CYP2C18: variants seen among roughly 807,000 people sequenced by gnomAD.
CYP2C18 encodes the protein cytochrome P450 family 2 subfamily C member 18, also known as cytochrome P450 2C18.
In CYP2C18, 38 loss-of-function variants were observed where a neutral mutation model predicts 41.3. The observed-to-expected ratio is 0.92, with a 90% CI of 0.71 to 1.21. The LOEUF is 1.21. Ranked by LOEUF, CYP2C18 falls within the 50% of genes most tolerant of loss-of-function variation. CYP2C18 has a pLI of 0.00. For missense variants in CYP2C18, 635 were observed against 591.4 expected (o/e 1.07, Z -0.77); for synonymous variants, 236 against 210.0 (o/e 1.12, Z -1.07).
chr10:94,715,871 G>C (rs1322583285), intron 5 of CYP2C18, among the ~76,000 whole-genome samples: 1 of 152,140 alleles, frequency 6.6e-6, no homozygotes, highest in Non-Finnish European at 1.5e-5. Context: ...GCCTGTGATT[G>C]GTCTATTCAG....
Position 94,688,106 on chromosome 10 carries a change from C to T in CYP2C18, c.332-19C>T. The T allele has an allele frequency of 6.2e-7, 1 of 1,613,212 alleles. No homozygotes were observed. The highest frequency in any genetic ancestry group is 8.5e-7 in the Non-Finnish European group (1 of 1,179,622). On this transcript the variant is annotated intron_variant, in intron 2 of 8. Coordinates refer to ENST00000285979, the MANE Select transcript of CYP2C18 (RefSeq NM_000772.3). ...TTGTTTGGATTCTCCCTCGTAGCTTCTGTTTTCTGTTCTGCTAGGAATCCT... is the reference window on the plus strand; with the variant it reads ...TTGTTTGGATTCTCCCTCGTAGCTTTTGTTTTCTGTTCTGCTAGGAATCCT...
At chr10:94,708,176 G>A (rs1232720588) in intron 5 of CYP2C18, among the ~76,000 whole-genome samples, 1 of 152,186 alleles carries the variant, frequency 6.6e-6, no homozygotes, top group African/African-American at 2.4e-5. Flanking sequence ...AATTGCCCAT[G>A]GAATGTTAGC....
intron 8 of CYP2C18, 133 bp downstream of exon 8, chr10:94,733,571 C>T (rs2281890): frequency 0.16 from 240,674 of 1,472,570 alleles, 21,717 homozygotes; most frequent in South Asian, 0.32. Context: ...TCCCTATGCC[C>T]ATGCGATTTC....
intron 4 of CYP2C18, among the ~76,000 whole-genome samples, chr10:94,696,408 C>G (rs181235350): frequency 2.6e-5 from 4 of 152,304 alleles, no homozygotes; most frequent in Non-Finnish European, 4.4e-5. Context: ...AACAGACCTG[C>G]AGCTGAGGGT....
rs762490017 is a variant in CYP2C18, at chr10:94,688,153, G to T, written c.360G>T (p.Trp120Cys). 3 of 1,613,702 alleles carry T rather than the reference G, an allele frequency of 1.9e-6. No individual in the cohort carries two copies. The highest frequency in any genetic ancestry group is 1.7e-4 in the Middle Eastern group (1 of 6,034). ...LGILFSNGKRWKEIRRFCLMT... is the reference protein window; with the variant it reads ...LGILFSNGKRCKEIRRFCLMT... Reference sequence around the variant, plus strand: ...TCCTTTTCAGCAATGGAAAGAGATGGAAGGAGATCCGGCGTTTCTGCCTCA... The same window carrying T: ...TCCTTTTCAGCAATGGAAAGAGATGTAAGGAGATCCGGCGTTTCTGCCTCA... The change falls in exon 3 of 9, where the codon TGG (tryptophan) becomes TGT (cysteine). Residue 120 changes from tryptophan (W) to cysteine (C), a missense_variant. Transcript: ENST00000285979.
rs1188305984 is a variant in CYP2C18 at position 94,719,568 on chromosome 10, A to C, written c.820-828A>C. Among the ~76,000 whole-genome samples, 3 of 151,096 alleles carry C rather than the reference A, an allele frequency of 2.0e-5. No individual in the cohort carries two copies. In the South Asian group the frequency reaches 6.3e-4, roughly 32 times the overall value. ...CAGATATGTGCAATTCACCTGGTTAATTTTTTGATTTTTATTTTTTTTTTT... is the reference window on the plus strand; with the variant it reads ...CAGATATGTGCAATTCACCTGGTTACTTTTTTGATTTTTATTTTTTTTTTT... On this transcript the variant is annotated intron_variant, in intron 5 of 8. Transcript: ENST00000285979.
intron 7 of CYP2C18, chr10:94,728,524 T>G (rs1194358334): frequency 2.6e-6 from 1 of 387,118 alleles, no homozygotes; most frequent in African/African-American, 2.2e-5. Flanking sequence ...TGATGATTTT[T>G]CTAAATTTAT....
At chr10:94,715,060 A>G (rs1421807601) in intron 5 of CYP2C18, among the ~76,000 whole-genome samples, 1 of 152,184 alleles carries the variant, frequency 6.6e-6, no homozygotes, top group Non-Finnish European at 1.5e-5. Context: ...GTTTCTTATC[A>G]GCTTTTTGGA....
chr10:94,733,490 G>A, intron 8 of CYP2C18, 52 bp downstream of exon 8: 1 of 1,604,546 alleles, frequency 6.2e-7, no homozygotes, highest in Non-Finnish European at 8.5e-7. Flanking sequence ...TACCTTTTTG[G>A]GATCAGTTGA....
At chr10:94,694,022 A>T (rs1423346583) in intron 3 of CYP2C18, among the ~76,000 whole-genome samples, 1 of 152,186 alleles carries the variant, frequency 6.6e-6, no homozygotes, top group Non-Finnish European at 1.5e-5. Flanking sequence ...AATATGATGG[A>T]ATTACCTAAA....
intron 5 of CYP2C18, among the ~76,000 whole-genome samples, chr10:94,713,476 C>A (rs1281316148): frequency 6.6e-6 from 1 of 152,118 alleles, no homozygotes; most frequent in Non-Finnish European, 1.5e-5. Flanking sequence ...ATGATGGCTT[C>A]CAGCTTCATC....
chr10:94,703,385 A>G lies in CYP2C18; in HGVS notation c.643-3399A>G, dbSNP rs534767114. Among the ~76,000 whole-genome samples, 24 of 152,260 alleles carry G rather than the reference A, an allele frequency of 1.6e-4. 1 individual carries two copies. The South Asian group carries it at 4.4e-3, about 28-fold the overall frequency. On this transcript the variant is annotated intron_variant, in intron 4 of 8. Coordinates refer to ENST00000285979, the MANE Select transcript of CYP2C18 (RefSeq NM_000772.3). ...GTCCTAGGAAGAGGTGGTTTTATCT[A>G]TAGTCCCCTACTGGGGCTGCTGCCT...
In CYP2C18 at chr10:94,683,971, G is replaced by T; in HGVS notation, c.152G>T (p.Ser51Ile). ...CTGCAGTTAGATGTTAAGGACATGA[G>T]CAAATCCTTAACCAATGTAAGTATG... The part of the protein sequence containing the change: ...NILQLDVKDM[S>I]KSLTNFSKVY... The change falls in exon 1 of 9, where the codon AGC (serine) becomes ATC (isoleucine). Residue 51 changes from serine (S) to isoleucine (I), a missense_variant. Ser to Ile is a moderately radical substitution (Grantham distance 142). Coordinates refer to ENST00000285979, the MANE Select transcript of CYP2C18 (RefSeq NM_000772.3). The T allele has an allele frequency of 6.2e-7, 1 of 1,606,090 alleles. No homozygotes were observed. Among genetic ancestry groups the T allele is most frequent in the East Asian group, 2.2e-5 (1 of 44,656 alleles).
Position 94,724,488 on chromosome 10 carries a change from T to C in CYP2C18, c.1104T>C (p.His368=). The C allele has an allele frequency of 6.2e-7, 1 of 1,613,564 alleles. No individual in the cohort carries two copies. Among genetic ancestry groups the C allele is most frequent in the Non-Finnish European group, 8.5e-7 (1 of 1,179,684 alleles). The part of the protein sequence containing the change: ...YIDLLPTNLP[H]AVTCDVKFKN... Reference sequence around the variant, plus strand: ...ACCTCCTCCCCACCAACCTGCCCCATGCAGTGACCTGTGATGTTAAATTCA... The same window carrying C: ...ACCTCCTCCCCACCAACCTGCCCCACGCAGTGACCTGTGATGTTAAATTCA... The change falls in exon 7 of 9, where the codon CAT becomes CAC. Residue 368 remains histidine, a synonymous_variant. Coordinates refer to ENST00000285979, the MANE Select transcript of CYP2C18 (RefSeq NM_000772.3).
chr10:94,702,536 A>T (rs1847265140), intron 4 of CYP2C18, among the ~76,000 whole-genome samples: 1 of 151,738 alleles, frequency 6.6e-6, no homozygotes, highest in Non-Finnish European at 1.5e-5. Context: ...GGCTATTGAT[A>T]GTTGTGTATG....
At chr10:94,699,630 A>C (rs1252397408) in intron 4 of CYP2C18, among the ~76,000 whole-genome samples, 2 of 152,202 alleles carry the variant, frequency 1.3e-5, no homozygotes, top group East Asian at 3.8e-4. Context: ...TGGCCAGGGC[A>C]ATCAGGCAGG....
chr10:94,729,052 G>A (rs1451986640), intron 7 of CYP2C18, among the ~76,000 whole-genome samples: 2 of 152,056 alleles, frequency 1.3e-5, no homozygotes, highest in African/African-American at 2.4e-5. Flanking sequence ...AGTTGCTTAC[G>A]AGTAACTTGA....
At chr10:94,684,245 C>A (rs894779053) in intron 1 of CYP2C18, among the ~76,000 whole-genome samples, 2 of 152,060 alleles carry the variant, frequency 1.3e-5, no homozygotes, top group African/African-American at 4.8e-5. Flanking sequence ...ATATACAGTA[C>A]ATTAATATTA....
chr10:94,706,652 T>C, intron 4 of CYP2C18, 132 bp from the exon 5 acceptor site: 4 of 566,506 alleles, frequency 7.1e-6, no homozygotes, highest in Non-Finnish European at 1.2e-5. Flanking sequence ...ACTTTGTACG[T>C]ATAATCAAAT....
Sources: gnomAD v4.1 joint callset for allele counts (sites outside exome capture counted in the v4.1 genomes callset) on GRCh38, gnomAD v4.1.1 for gene constraint, MANE v1.5 for transcripts, NCBI Gene and HGNC (gene_info 2026-07-23, HGNC 2026-07-21) for gene names.